Variants in PTPRD observed in about 807,000 individuals in gnomAD.
PTPRD encodes protein tyrosine phosphatase receptor type D, also known as receptor-type tyrosine-protein phosphatase delta.
A neutral mutation model predicts 214.5 loss-of-function variants in PTPRD; 34 were observed. That is an observed-to-expected ratio of 0.16 (90% CI 0.12 to 0.21). The LOEUF (loss-of-function observed/expected upper bound fraction) is 0.21, where lower values mean the gene tolerates loss of function less well. Ranked by LOEUF, PTPRD falls within the 10% of genes least tolerant of loss-of-function variation. The pLI, the probability that PTPRD is intolerant of heterozygous loss-of-function variation, is 1.00. For synonymous variants in PTPRD, 1,128 were observed against 845.7 expected, an observed-to-expected ratio of 1.33 and a Z score of -5.79; for missense variants, 2,545 against 2,398.7, an observed-to-expected ratio of 1.06 and a Z score of -1.27.
At chr9:10,518,944 G>A (rs1187576257) in intron 2 of PTPRD, among the ~76,000 whole-genome samples, 1 of 151,720 alleles carries the variant, frequency 6.6e-6, no homozygotes, top group African/African-American at 2.4e-5. Context: ...GCAAGAAGAT[G>A]CCATGCTAAT....
chr9:9,711,332 C>T (rs933100363), intron 7 of PTPRD, among the ~76,000 whole-genome samples: 5 of 152,004 alleles, frequency 3.3e-5, no homozygotes, highest in African/African-American at 9.7e-5. Flanking sequence ...TCACTTAAGA[C>T]GGCAGTTTCC....
chr9:8,795,580 G>A (rs560678438), intron 11 of PTPRD, among the ~76,000 whole-genome samples: 1 of 152,126 alleles, frequency 6.6e-6, no homozygotes, highest in Non-Finnish European at 1.5e-5. Flanking sequence ...ACTGATAGAT[G>A]AAAACTTTTG....
chr9:8,521,207 G>T (rs2138835897), intron 20 of PTPRD, 70 bp downstream of exon 20: 1 of 1,503,448 alleles, frequency 6.7e-7, no homozygotes, highest in Non-Finnish European at 9.0e-7. Context: ...TCAAGGATGG[G>T]CTTTCTAGAG....
At chr9:8,563,343 T>C (rs985797042) in intron 14 of PTPRD, among the ~76,000 whole-genome samples, 3 of 151,984 alleles carry the variant, frequency 2.0e-5, no homozygotes, top group African/African-American at 7.3e-5. Flanking sequence ...GTGCAGTTGA[T>C]CACATATCAA....
intron 3 of PTPRD, among the ~76,000 whole-genome samples, chr9:10,093,957 G>A (rs978049955): frequency 4.6e-5 from 7 of 151,336 alleles, no homozygotes; most frequent in African/African-American, 7.3e-5. Context: ...AGAAGTGGAT[G>A]AGTGGGCTAA....
rs756142363 is a variant in PTPRD, at chr9:9,855,306, A to G, written c.-368+83201T>C. On this transcript the variant is annotated intron_variant, in intron 5 of 45. Transcript: ENST00000381196. ...TTTATACAAAGCTTTGAAGTATTCA[A>G]TATATGGTAACAAACTTCTCCCCAG... is the stretch of plus-strand genomic sequence containing the variant. Among the ~76,000 whole-genome samples, 4 of 152,202 alleles carry G rather than the reference A, an allele frequency of 2.6e-5. No individual in the cohort carries two copies. The East Asian group carries it at 5.8e-4, about 22-fold the overall frequency.
At chr9:8,732,768 G>A (rs1244761296) in intron 12 of PTPRD, among the ~76,000 whole-genome samples, 3 of 152,184 alleles carry the variant, frequency 2.0e-5, no homozygotes, top group South Asian at 2.1e-4. Flanking sequence ...TTGGTGGCTC[G>A]TGAGGGAATT....
chr9:8,524,485 C>G (rs570700847), intron 18 of PTPRD, among the ~76,000 whole-genome samples: 2 of 152,168 alleles, frequency 1.3e-5, no homozygotes, highest in Non-Finnish European at 2.9e-5. Context: ...GTTTCAGCAG[C>G]AGGGGTCATG....
At chr9:10,236,497 G>C (rs2099629347) in intron 3 of PTPRD, among the ~76,000 whole-genome samples, 1 of 151,838 alleles carries the variant, frequency 6.6e-6, no homozygotes, top group African/African-American at 2.4e-5. Context: ...TTGCATACTT[G>C]ACTACCGCAG....
chr9:10,315,128 T>A (rs1032971086), intron 3 of PTPRD, among the ~76,000 whole-genome samples: 1 of 151,966 alleles, frequency 6.6e-6, no homozygotes, highest in Non-Finnish European at 1.5e-5. Context: ...AGAAAATATA[T>A]AATTATGATT....
intron 2 of PTPRD, among the ~76,000 whole-genome samples, chr9:10,502,454 T>C (rs2044098372): frequency 6.6e-6 from 1 of 151,968 alleles, no homozygotes; most frequent in African/African-American, 2.4e-5. Flanking sequence ...TTAGTATTAA[T>C]CTCTATACAC....
intron 11 of PTPRD, among the ~76,000 whole-genome samples, chr9:8,801,685 C>T (rs1045917777): frequency 2.0e-5 from 3 of 152,056 alleles, no homozygotes; most frequent in Non-Finnish European, 4.4e-5. Flanking sequence ...CACTGCACTC[C>T]AGCCTGGGCG....
At chr9:9,362,631 C>T (rs949475594) in intron 9 of PTPRD, among the ~76,000 whole-genome samples, 1 of 151,210 alleles carries the variant, frequency 6.6e-6, no homozygotes, top group African/African-American at 2.4e-5. Flanking sequence ...AATTCACTTA[C>T]CCCTAAGAAC....
At chr9:9,870,649 T>C (rs2065175540) in intron 5 of PTPRD, among the ~76,000 whole-genome samples, 2 of 152,096 alleles carry the variant, frequency 1.3e-5, no homozygotes, top group African/African-American at 4.8e-5. Flanking sequence ...GTTTTGATAA[T>C]GCTATTTTGG....
At chr9:8,657,987 C>T (rs1171718739) in intron 12 of PTPRD, among the ~76,000 whole-genome samples, 1 of 151,888 alleles carries the variant, frequency 6.6e-6, no homozygotes, top group African/African-American at 2.4e-5. Context: ...TGGGCTTGGC[C>T]AAAAATCTTA....
chr9:9,092,909 A>C (rs903363143), intron 10 of PTPRD, among the ~76,000 whole-genome samples: 2 of 152,066 alleles, frequency 1.3e-5, no homozygotes, highest in Non-Finnish European at 2.9e-5. Context: ...ACTTAAAAAA[A>C]CCCAATACTC....
At position 10,390,322 on chromosome 9, in the gene PTPRD, A is replaced by G. The variant is rs566959250; in HGVS notation, c.-599-49305T>C. On this transcript the variant is annotated intron_variant, in intron 2 of 45. Transcript: ENST00000381196. ...ACCTCCATTTCATTATAATCAATAC[A>G]CCACAGACATAATTTAAAATCCAAG... Among the ~76,000 whole-genome samples, 134 of 151,846 alleles carry G rather than the reference A, an allele frequency of 8.8e-4. 3 individuals are homozygous for G. Among genetic ancestry groups the G allele is most frequent in the Admixed American group, 4.7e-3 (71 of 15,196 alleles).
intron 2 of PTPRD, among the ~76,000 whole-genome samples, chr9:10,387,913 G>A (rs1003790718): frequency 1.1e-4 from 15 of 136,270 alleles, no homozygotes; most frequent in Non-Finnish European, 2.0e-4. Flanking sequence ...TGCCTGCCTC[G>A]GCCTCCCAAA....
At chr9:9,680,460 A>G (rs908698865) in intron 7 of PTPRD, among the ~76,000 whole-genome samples, 1 of 151,920 alleles carries the variant, frequency 6.6e-6, no homozygotes, top group African/African-American at 2.4e-5. Context: ...TTAAAAGTTC[A>G]TAACACAAAT....
Sources: gnomAD v4.1 joint callset for allele counts (sites outside exome capture counted in the v4.1 genomes callset) on GRCh38, gnomAD v4.1.1 for gene constraint, MANE v1.5 for transcripts, NCBI Gene and HGNC (gene_info 2026-07-23, HGNC 2026-07-21) for gene names.